PCDH15: variants seen among roughly 807,000 people sequenced by gnomAD.
PCDH15 encodes the protein protocadherin related 15.
In PCDH15, 129 loss-of-function variants were observed where a neutral mutation model predicts 178.5. That is an observed-to-expected ratio of 0.72 (90% CI 0.63 to 0.84). The LOEUF (loss-of-function observed/expected upper bound fraction) is 0.84. Ranked by LOEUF, PCDH15 falls within the 40% of genes least tolerant of loss-of-function variation. The pLI is 0.00. For missense variants in PCDH15, 2,230 were observed against 2,099.9 expected, an observed-to-expected ratio of 1.06 and a Z score of -1.21; for synonymous variants, 800 against 732.0, an observed-to-expected ratio of 1.09 and a Z score of -1.50.
chr10:54,936,584 C>T (rs141295951), intron 2 of PCDH15, among the ~76,000 whole-genome samples: 44 of 151,926 alleles, frequency 2.9e-4, no homozygotes, highest in African/African-American at 9.2e-4. Flanking sequence ...CTAATGAATG[C>T]AAAAATATAT....
intron 2 of PCDH15, among the ~76,000 whole-genome samples, chr10:55,429,679 C>T (rs1838838007): frequency 6.6e-6 from 1 of 152,136 alleles, no homozygotes. Flanking sequence ...TCTGCCTCCT[C>T]AAATCTTAGA....
intron 1 of PCDH15, among the ~76,000 whole-genome samples, chr10:55,314,860 T>C (rs533091272): frequency 6.6e-6 from 1 of 152,312 alleles, no homozygotes; most frequent in Non-Finnish European, 1.5e-5. Flanking sequence ...TGTTCAGTGA[T>C]GACATTCAGA....
intron 2 of PCDH15, among the ~76,000 whole-genome samples, chr10:55,550,694 T>C (rs976930751): frequency 6.6e-6 from 1 of 152,168 alleles, no homozygotes; most frequent in Non-Finnish European, 1.5e-5. Flanking sequence ...AAATCTGTTC[T>C]CAATGAAGAA....
intron 2 of PCDH15, among the ~76,000 whole-genome samples, chr10:55,605,425 C>T (rs944596225): frequency 1.1e-3 from 159 of 150,906 alleles, no homozygotes; most frequent in Non-Finnish European, 1.7e-3. Context: ...ATACCAAAGC[C>T]GGGCAGAGAC....
At chr10:54,342,284 T>C (rs1188110881) in intron 6 of PCDH15, among the ~76,000 whole-genome samples, 3 of 152,182 alleles carry the variant, frequency 2.0e-5, no homozygotes, top group African/African-American at 7.2e-5. Flanking sequence ...CCCACTGCTC[T>C]GTGCAGCCTT....
At chr10:54,607,538 G>C (rs2092795772) in intron 2 of PCDH15, among the ~76,000 whole-genome samples, 1 of 152,000 alleles carries the variant, frequency 6.6e-6, no homozygotes, top group Non-Finnish European at 1.5e-5. Context: ...ATATGTTTAT[G>C]TTTTGAACAT....
intron 2 of PCDH15, among the ~76,000 whole-genome samples, chr10:55,481,142 C>A (rs947354170): frequency 6.6e-6 from 1 of 151,794 alleles, no homozygotes; most frequent in Non-Finnish European, 1.5e-5. Flanking sequence ...TCATAATATT[C>A]TCTGATGGTT....
chr10:54,122,271 T>C (rs1417890077), intron 15 of PCDH15, among the ~76,000 whole-genome samples: 2 of 152,048 alleles, frequency 1.3e-5, no homozygotes, highest in Admixed American at 6.6e-5. Flanking sequence ...TAAAACCATA[T>C]GATCACCTCG....
chr10:55,513,049 TTGAC>T (rs1015107472), intron 2 of PCDH15: 6 of 152,270 alleles, frequency 3.9e-5, no homozygotes, highest in Middle Eastern at 3.4e-3. Context: ...GATTAATTGA[TTGAC>T]TGAACAACCA....
chr10:54,657,656 A>G (rs1439387867), intron 2 of PCDH15, among the ~76,000 whole-genome samples: 3 of 152,222 alleles, frequency 2.0e-5, no homozygotes, highest in African/African-American at 7.2e-5. Flanking sequence ...ACCCCAAAAC[A>G]AAGCATATCA....
At chr10:55,569,351 C>A (rs1842362857) in intron 2 of PCDH15, among the ~76,000 whole-genome samples, 1 of 151,940 alleles carries the variant, frequency 6.6e-6, no homozygotes, top group African/African-American at 2.4e-5. Flanking sequence ...CTTTAGCTTT[C>A]CAGGTCATAT....
chr10:55,463,134 A>G (rs1331789920), intron 2 of PCDH15, among the ~76,000 whole-genome samples: 1 of 151,930 alleles, frequency 6.6e-6, no homozygotes, highest in African/African-American at 2.4e-5. Flanking sequence ...ACCAACAAAC[A>G]AAAAGCTGAA....
chr10:55,524,534 C>T (rs554260327), intron 2 of PCDH15, among the ~76,000 whole-genome samples: 50 of 151,364 alleles, frequency 3.3e-4, no homozygotes, highest in Non-Finnish European at 6.2e-4. Flanking sequence ...TGTATTGCAC[C>T]TATTTCATTT....
chr10:54,211,348 C>T (rs2051403099), intron 10 of PCDH15, among the ~76,000 whole-genome samples: 1 of 152,134 alleles, frequency 6.6e-6, no homozygotes, highest in Admixed American at 6.5e-5. Context: ...GTGTATATCA[C>T]ATTTTAAAGT....
chr10:55,119,551 T>G (rs1837714397), intron 2 of PCDH15, among the ~76,000 whole-genome samples: 2 of 152,128 alleles, frequency 1.3e-5, no homozygotes. Flanking sequence ...GGCAGGGTAT[T>G]GCATATTCCA....
chr10:55,351,739 C>T (rs570200750), intron 2 of PCDH15, among the ~76,000 whole-genome samples: 2 of 152,096 alleles, frequency 1.3e-5, no homozygotes, highest in Non-Finnish European at 2.9e-5. Context: ...CAAATCTGTG[C>T]TAATGTTTGC....
intron 2 of PCDH15, among the ~76,000 whole-genome samples, chr10:55,488,873 A>G (rs761906444): frequency 6.6e-5 from 10 of 151,522 alleles, no homozygotes; most frequent in Non-Finnish European, 1.2e-4. Context: ...GTTATCCAGC[A>G]ATGCATTAAG....
intron 2 of PCDH15, among the ~76,000 whole-genome samples, chr10:54,580,405 T>C (rs1364170380): frequency 3.3e-5 from 5 of 152,042 alleles, no homozygotes; most frequent in South Asian, 2.1e-4. Flanking sequence ...CCTCCCCAAA[T>C]TGAATCACAA....
At chr10:55,131,880 C>A (rs1229434517) in intron 2 of PCDH15, among the ~76,000 whole-genome samples, 2 of 152,196 alleles carry the variant, frequency 1.3e-5, no homozygotes, top group African/African-American at 2.4e-5. Flanking sequence ...GCAGAACTGA[C>A]AGCCTGGTCC....
Sources: gnomAD v4.1 joint callset for allele counts (sites outside exome capture counted in the v4.1 genomes callset) on GRCh38, gnomAD v4.1.1 for gene constraint, MANE v1.5 for transcripts, NCBI Gene and HGNC (gene_info 2026-07-23, HGNC 2026-07-21) for gene names.